Variants in CNTN3 observed in about 807,000 individuals in gnomAD.
CNTN3 encodes the protein contactin-3.
A neutral mutation model predicts 119.1 loss-of-function variants in CNTN3; 60 were observed. The ratio of observed to expected loss-of-function variants is 0.50; its 90% CI spans 0.41 to 0.62. The LOEUF (loss-of-function observed/expected upper bound fraction) is 0.62. Among genes scored for constraint, CNTN3 ranks in the 20% least tolerant of loss-of-function variants. The pLI is 0.00. For synonymous variants in CNTN3, 450 were observed against 438.7 expected (o/e 1.03, Z -0.32); for missense variants, 1,101 against 1,242.4 (o/e 0.89, Z 1.71).
chr3:74,482,649 A>T (rs1702782464), intron 4 of CNTN3, among the ~76,000 whole-genome samples: 2 of 152,128 alleles, frequency 1.3e-5, no homozygotes, highest in Admixed American at 1.3e-4. Flanking sequence ...TAGCTGAGAG[A>T]AACAAAGAAG....
At chr3:74,503,973 C>T (rs956536623) in intron 2 of CNTN3, among the ~76,000 whole-genome samples, 1 of 152,016 alleles carries the variant, frequency 6.6e-6, no homozygotes, top group Non-Finnish European at 1.5e-5. Flanking sequence ...TTTATGAGCT[C>T]CTAAGGTAAT....
At chr3:74,346,869 T>C (rs1280720395) in intron 11 of CNTN3, among the ~76,000 whole-genome samples, 1 of 152,178 alleles carries the variant, frequency 6.6e-6, no homozygotes, top group Admixed American at 6.5e-5. Context: ...GCACACTCCA[T>C]ATTTTTTAAT....
intron 11 of CNTN3, among the ~76,000 whole-genome samples, chr3:74,348,581 G>A (rs1016137946): frequency 2.0e-5 from 3 of 152,084 alleles, no homozygotes; most frequent in Admixed American, 1.3e-4. Flanking sequence ...TCACCCATGC[G>A]GAGAGACCAT....
intron 2 of CNTN3, among the ~76,000 whole-genome samples, chr3:74,503,464 G>C (rs1703201043): frequency 6.6e-6 from 1 of 152,114 alleles, no homozygotes; most frequent in Non-Finnish European, 1.5e-5. Context: ...TCAGAAAAGA[G>C]ACAAGGCCTC....
intron 1 of CNTN3, among the ~76,000 whole-genome samples, chr3:74,598,653 A>G (rs549111803): frequency 1.3e-5 from 2 of 152,032 alleles, no homozygotes; most frequent in East Asian, 3.9e-4. Context: ...ATAGTAAGAA[A>G]TTCATACTAA....
intron 19 of CNTN3, among the ~76,000 whole-genome samples, chr3:74,291,555 T>C (rs2106795548): frequency 6.6e-6 from 1 of 152,224 alleles, no homozygotes; most frequent in African/African-American, 2.4e-5. Context: ...AAATTTTTTG[T>C]ATATTTGTAG....
intron 11 of CNTN3, among the ~76,000 whole-genome samples, chr3:74,356,852 G>T (rs773603584): frequency 6.6e-6 from 1 of 152,084 alleles, no homozygotes; most frequent in Non-Finnish European, 1.5e-5. Flanking sequence ...ACATGATCAC[G>T]GCTGATTCAT....
chr3:74,589,037 T>A, intron 1 of CNTN3, among the ~76,000 whole-genome samples: 1 of 151,498 alleles, frequency 6.6e-6, no homozygotes, highest in South Asian at 2.1e-4. Context: ...ATTCAGGACA[T>A]AGGCATGGGC....
chr3:74,380,468 G>C (rs111904240), intron 5 of CNTN3, among the ~76,000 whole-genome samples: 6 of 152,330 alleles, frequency 3.9e-5, no homozygotes, highest in African/African-American at 1.4e-4. Flanking sequence ...CAGTCCTGGA[G>C]AAGATAAAGA....
rs139732192 is a variant in CNTN3, at chr3:74,594,222, A to G, written c.-81+20169T>C. 3.1e-3 allele frequency among the ~76,000 whole-genome samples: 458 copies of G among 149,388 alleles called. 4 individuals carry two copies. Among genetic ancestry groups the G allele is most frequent in the African/African-American group, 0.011 (434 of 40,578 alleles). On this transcript the variant is annotated intron_variant, in intron 1 of 22. Transcript: ENST00000263665. ...GACAATTCCACCAGTCTCTAGCACT[A>G]TTAAACACATAGTACTAGGGTTAGA...
At chr3:74,576,988 GGTA>G (rs1704429200) in intron 1 of CNTN3, among the ~76,000 whole-genome samples, 1 of 152,052 alleles carries the variant, frequency 6.6e-6, no homozygotes, top group African/African-American at 2.4e-5. Context: ...GCAGTGACTT[GGTA>G]AGCAGTCTTC....
In CNTN3 at chr3:74,384,563, A is replaced by G. The variant is rs564089132; in HGVS notation, c.455-13164T>C. Among the ~76,000 whole-genome samples the G allele has an allele frequency of 8.0e-4, 122 of 152,334 alleles. 1 individual carries two copies. The highest frequency in any genetic ancestry group is 2.8e-3 in the African/African-American group (116 of 41,580). Reference sequence around the variant, plus strand: ...TTATTTCTTCAACTAGTGATTCAATATTACATTTTCCATTTATTCTCCCTA... The same window carrying G: ...TTATTTCTTCAACTAGTGATTCAATGTTACATTTTCCATTTATTCTCCCTA... On this transcript the variant is annotated intron_variant, in intron 5 of 22. Coordinates refer to ENST00000263665, the MANE Select transcript of CNTN3 (RefSeq NM_020872.3).
At chr3:74,527,539 G>C (rs956086221) in intron 1 of CNTN3, among the ~76,000 whole-genome samples, 3 of 151,838 alleles carry the variant, frequency 2.0e-5, no homozygotes, top group Admixed American at 2.0e-4. Flanking sequence ...TGCTATGCCA[G>C]AAAAAAATTA....
chr3:74,400,792 G>A (rs1055850812), intron 5 of CNTN3, among the ~76,000 whole-genome samples: 3 of 152,070 alleles, frequency 2.0e-5, no homozygotes, highest in Non-Finnish European at 4.4e-5. Flanking sequence ...GAGTTACAAA[G>A]GTATTTATAT....
At chr3:74,474,947 G>A (rs1027570330) in intron 4 of CNTN3, among the ~76,000 whole-genome samples, 1 of 152,114 alleles carries the variant, frequency 6.6e-6, no homozygotes, top group African/African-American at 2.4e-5. Context: ...CTTCTGCCAT[G>A]ATTCTAAGTA....
At chr3:74,399,092 T>C (rs1705125599) in intron 5 of CNTN3, among the ~76,000 whole-genome samples, 1 of 152,192 alleles carries the variant, frequency 6.6e-6, no homozygotes, top group African/African-American at 2.4e-5. Flanking sequence ...TATAGAGAAC[T>C]GGAATTTATT....
intron 8 of CNTN3, among the ~76,000 whole-genome samples, chr3:74,367,374 T>A (rs1704223723): frequency 6.6e-6 from 1 of 152,094 alleles, no homozygotes; most frequent in Non-Finnish European, 1.5e-5. Flanking sequence ...ATTCCTAAAA[T>A]AACACCAATT....
intron 4 of CNTN3, among the ~76,000 whole-genome samples, chr3:74,458,871 A>G (rs1008107789): frequency 6.6e-6 from 1 of 152,064 alleles, no homozygotes; most frequent in Non-Finnish European, 1.5e-5. Context: ...GTTCGGTTCC[A>G]AAGCCCATAG....
At chr3:74,316,764 A>T (rs2106656391) in intron 13 of CNTN3, among the ~76,000 whole-genome samples, 1 of 152,180 alleles carries the variant, frequency 6.6e-6, no homozygotes, top group East Asian at 1.9e-4. Context: ...TCTCTACAAA[A>T]AATACAAAAA....
Sources: allele counts gnomAD v4.1 joint callset (sites outside exome capture counted in the v4.1 genomes callset), GRCh38; gene constraint gnomAD v4.1.1; transcripts MANE v1.5; gene names NCBI Gene and HGNC (gene_info 2026-07-23, HGNC 2026-07-21).